The following TXNRD1 variants were observed in gnomAD, a reference collection of about 807,000 sequenced individuals.
TXNRD1 encodes thioredoxin reductase 1.
A neutral mutation model predicts 80.3 loss-of-function variants in TXNRD1; 57 were observed. The ratio of observed to expected loss-of-function variants is 0.71; its 90% CI spans 0.57 to 0.89. The LOEUF is 0.89. Ranked by LOEUF, TXNRD1 falls within the 40% of genes least tolerant of loss-of-function variation. The pLI, the probability that TXNRD1 is intolerant of heterozygous loss-of-function variation, is 0.00. For synonymous variants in TXNRD1, 291 were observed against 285.2 expected (o/e 1.02, Z -0.20); for missense variants, 730 against 803.0 (o/e 0.91, Z 1.10).
rs180847895 is a variant in TXNRD1, at chr12:104,228,648, G to A, written c.91+12755G>A. ...CTCTCTCTCAAAATAAAGTGGGGGC[G>A]GCAGGGGAATAACCATTTAAAAGTG... On this transcript the variant is annotated intron_variant, in intron 1 of 16. Coordinates refer to ENST00000525566, the MANE Select transcript of TXNRD1 (RefSeq NM_001093771.3). Among the ~76,000 whole-genome samples the A allele has an allele frequency of 1.8e-3, 268 of 152,224 alleles. 1 individual carries two copies. Among genetic ancestry groups the A allele is most frequent in the African/African-American group, 5.5e-3 (228 of 41,548 alleles).
At chr12:104,220,137 A>G (rs539082940) in intron 1 of TXNRD1, among the ~76,000 whole-genome samples, 7 of 152,140 alleles carry the variant, frequency 4.6e-5, no homozygotes, top group Non-Finnish European at 1.0e-4. Context: ...GCTGGGGTGG[A>G]GGTTGCTACT....
chr12:104,321,425 A>G, intron 10 of TXNRD1, 109 bp downstream of exon 10: 1 of 834,098 alleles, frequency 1.2e-6, no homozygotes, highest in South Asian at 1.6e-5. Flanking sequence ...ACCATCAGGA[A>G]TGCTGATTCC....
At chr12:104,249,134 C>T (rs1382410386) in intron 1 of TXNRD1, among the ~76,000 whole-genome samples, 10 of 152,200 alleles carry the variant, frequency 6.6e-5, no homozygotes, top group Admixed American at 1.3e-4. Context: ...AGTTCTGTGG[C>T]CTAGGAAGTC....
chr12:104,273,926 T>C (rs1255256892), intron 3 of TXNRD1, among the ~76,000 whole-genome samples: 1 of 152,152 alleles, frequency 6.6e-6, no homozygotes, highest in Non-Finnish European at 1.5e-5. Flanking sequence ...GGCGGGCACC[T>C]GTAGTCCCAG....
intron 15 of TXNRD1, among the ~76,000 whole-genome samples, chr12:104,336,563 A>T (rs1029180828): frequency 6.6e-5 from 10 of 151,184 alleles, no homozygotes; most frequent in Non-Finnish European, 1.3e-4. Context: ...CTGCTATTTT[A>T]TTTTTTTTTA....
intron 3 of TXNRD1, among the ~76,000 whole-genome samples, chr12:104,270,582 A>G (rs891872412): frequency 6.6e-6 from 1 of 152,154 alleles, no homozygotes; most frequent in Non-Finnish European, 1.5e-5. Context: ...ATAATTCTTA[A>G]GGGCCCTAGG....
chr12:104,299,778 A>AC (rs894704796), intron 4 of TXNRD1, among the ~76,000 whole-genome samples: 1 of 151,804 alleles, frequency 6.6e-6, no homozygotes, highest in African/African-American at 2.4e-5. Flanking sequence ...AAAAAAAAAA[A>AC]AAAAAAAGTT....
rs925960555 is a variant in TXNRD1, at chr12:104,288,975, G to T, written c.349G>T (p.Glu117Ter). ...LEGTLSELAA[E>*]TDLPVVFVKQ... ...AGGAACGCTCTCGGAATTGGCCGCG[G>T]AAACCGATCTGCCCGTTGTGTTTGT... is the stretch of plus-strand genomic sequence containing the variant. The change falls in exon 4 of 17, where the codon GAA (glutamate) becomes TAA (stop). Residue 117 changes from glutamate to a stop codon, truncating the protein, a stop_gained. Coordinates refer to ENST00000525566, the MANE Select transcript of TXNRD1 (RefSeq NM_001093771.3). LOFTEE classifies it high-confidence loss of function. 7.4e-5 allele frequency: 120 copies of T among 1,613,948 alleles called. No homozygotes were observed. Among genetic ancestry groups the T allele is most frequent in the Non-Finnish European group, 1.0e-4 (118 of 1,179,898 alleles).
chr12:104,227,701 A>G (rs2032504916), intron 1 of TXNRD1, among the ~76,000 whole-genome samples: 1 of 152,208 alleles, frequency 6.6e-6, no homozygotes, highest in South Asian at 2.1e-4. Context: ...ATACAACTGT[A>G]TTCCAATCTC....
chr12:104,240,958 G>T (rs2032846016), intron 1 of TXNRD1, among the ~76,000 whole-genome samples: 1 of 151,646 alleles, frequency 6.6e-6, no homozygotes, highest in Non-Finnish European at 1.5e-5. Flanking sequence ...AGCCAGGATG[G>T]TCTCGATCTC....
chr12:104,303,948 T>TGTCAGTGAGGGCCGCGGGCTGC (rs2034759400), intron 4 of TXNRD1: 2 of 1,597,854 alleles, frequency 1.3e-6, no homozygotes, highest in Non-Finnish European at 1.7e-6. Context: ...AAGATGGATG[T>TGTCAGTGAGGGCCGCGGGCTGC]GTCAGTGAGG....
chr12:104,325,670 G>C (rs1461239174), intron 11 of TXNRD1, among the ~76,000 whole-genome samples: 2 of 152,136 alleles, frequency 1.3e-5, no homozygotes, highest in Admixed American at 1.3e-4. Flanking sequence ...TCAAGGGATC[G>C]GGACCATCCT....
chr12:104,216,044 A>C (rs929648836), intron 1 of TXNRD1, among the ~76,000 whole-genome samples, 151 bp downstream of exon 1: 11 of 151,984 alleles, frequency 7.2e-5, no homozygotes, highest in Admixed American at 5.2e-4. Flanking sequence ...AGACCCCAGA[A>C]ACGCTCCCCC....
intron 1 of TXNRD1, among the ~76,000 whole-genome samples, chr12:104,242,243 A>G (rs1717020059): frequency 6.6e-6 from 1 of 150,632 alleles, no homozygotes; most frequent in African/African-American, 2.4e-5. Flanking sequence ...CCGGCCTACT[A>G]ATGATTTTTT....
At chr12:104,334,531 C>T (rs896894303) in intron 15 of TXNRD1, among the ~76,000 whole-genome samples, 199 bp downstream of exon 15, 59 of 152,092 alleles carry the variant, frequency 3.9e-4, no homozygotes, top group Non-Finnish European at 1.3e-4. Flanking sequence ...TACAGACTTG[C>T]GCCACCACAC....
chr12:104,258,001 T>C lies in TXNRD1; in HGVS notation c.244-18T>C. On this transcript the variant is annotated intron_variant, in intron 2 of 16. Coordinates refer to ENST00000525566, the MANE Select transcript of TXNRD1 (RefSeq NM_001093771.3). ...ACCTCATTTTTCATTTTCCTCCTTG[T>C]TTTTCAACTTCTTCCAGGTAAAGAA... The C allele has an allele frequency of 6.5e-7, 1 of 1,537,246 alleles. No homozygotes were observed. The highest frequency in any genetic ancestry group is 8.8e-7 in the Non-Finnish European group (1 of 1,138,802).
chr12:104,289,123 C>CGTGG (rs1477948819), intron 4 of TXNRD1, 83 bp downstream of exon 4: 1 of 1,497,510 alleles, frequency 6.7e-7, no homozygotes, highest in Non-Finnish European at 9.1e-7. Context: ...TTAAAGCCAG[C>CGTGG]GTGGATGTGA....
chr12:104,287,647 G>T (rs2034020512), intron 3 of TXNRD1, among the ~76,000 whole-genome samples: 1 of 152,198 alleles, frequency 6.6e-6, no homozygotes, highest in African/African-American at 2.4e-5. Context: ...GGCTCAGAAA[G>T]ATCAAGTGGC....
At chr12:104,260,210 C>G (rs113301768) in intron 3 of TXNRD1, among the ~76,000 whole-genome samples, 1,193 of 118,750 alleles carry the variant, frequency 0.01, 18 homozygotes, top group African/African-American at 0.035. Flanking sequence ...GCTCATGCCT[C>G]TAATCCCAGC....
Sources: allele counts gnomAD v4.1 joint callset (sites outside exome capture counted in the v4.1 genomes callset), GRCh38; gene constraint gnomAD v4.1.1; transcripts MANE v1.5; gene names NCBI Gene and HGNC (gene_info 2026-07-23, HGNC 2026-07-21).